NRP1: variants seen among roughly 807,000 people sequenced by gnomAD.
The protein encoded by NRP1 is neuropilin-1.
NRP1 carries 35 observed loss-of-function variants against 106.7 expected under a neutral mutation model. The ratio of observed to expected loss-of-function variants is 0.33; its 90% CI spans 0.25 to 0.43. The LOEUF is 0.43. Among genes scored for constraint, NRP1 ranks in the 20% least tolerant of loss-of-function variants. The pLI is 1.00. For synonymous variants in NRP1, 437 were observed against 417.9 expected, an observed-to-expected ratio of 1.05 and a Z score of -0.56; for missense variants, 1,024 against 1,170.4, an observed-to-expected ratio of 0.87 and a Z score of 1.83.
At chr10:33,201,392 G>A (rs1358402887) in intron 11 of NRP1, 1 of 152,178 alleles carries the variant, frequency 6.6e-6, no homozygotes, top group East Asian at 1.9e-4. Flanking sequence ...GAGGGCAATT[G>A]AAAGGGCACA....
intron 2 of NRP1, among the ~76,000 whole-genome samples, chr10:33,304,869 G>A (rs1348011874): frequency 1.3e-5 from 2 of 152,220 alleles, no homozygotes; most frequent in Non-Finnish European, 2.9e-5. Flanking sequence ...TAGAAATAGC[G>A]TAGAAACCCA....
chr10:33,323,140 C>G (rs1244390224), intron 2 of NRP1, among the ~76,000 whole-genome samples: 1 of 152,046 alleles, frequency 6.6e-6, no homozygotes, highest in Admixed American at 6.6e-5. Context: ...GAAGCTGAGA[C>G]AGAGAATGGC....
chr10:33,204,986 C>T (rs1439688913), intron 10 of NRP1, among the ~76,000 whole-genome samples: 2 of 152,204 alleles, frequency 1.3e-5, no homozygotes, highest in African/African-American at 4.8e-5. Flanking sequence ...CCCGCCTTGG[C>T]CTCCCAAAGT....
At chr10:33,331,665 C>T (rs900986276) in intron 1 of NRP1, among the ~76,000 whole-genome samples, 18 of 152,166 alleles carry the variant, frequency 1.2e-4, no homozygotes, top group African/African-American at 4.3e-4. Flanking sequence ...TTCTCACATT[C>T]TGGGAAAGGT....
At chr10:33,301,143 G>A (rs1031946591) in intron 2 of NRP1, among the ~76,000 whole-genome samples, 3 of 152,120 alleles carry the variant, frequency 2.0e-5, no homozygotes, top group Non-Finnish European at 4.4e-5. Flanking sequence ...AGAGAGGCTC[G>A]GTGCTGTCCT....
Position 33,207,671 on chromosome 10 carries a change from A to G in NRP1, c.1660T>C (p.Phe554Leu), listed in dbSNP as rs756636306. The change falls in exon 10 of 17, where the codon TTT becomes CTT. Residue 554 changes from phenylalanine to leucine, a missense_variant. Physicochemically the swap from Phe to Leu is conservative, Grantham distance 22. Coordinates refer to ENST00000374867, the MANE Select transcript of NRP1 (RefSeq NM_003873.7). ...NNYDTPELRT[F>L]PALSTRFIRI... Reference sequence around the variant, plus strand: ...ATGAATCGCGTGGAGAGAGCTGGAAAAGTCCGCAGCTCAGGTGTATCATAG... The same window carrying G: ...ATGAATCGCGTGGAGAGAGCTGGAAGAGTCCGCAGCTCAGGTGTATCATAG... 5 of 1,614,020 alleles carry G rather than the reference A, an allele frequency of 3.1e-6. No individual in the cohort carries two copies. The highest frequency in any genetic ancestry group is 3.4e-6 in the Non-Finnish European group (4 of 1,180,012).
chr10:33,192,822 CTTAA>C (rs1181946685), intron 12 of NRP1, among the ~76,000 whole-genome samples: 2 of 152,122 alleles, frequency 1.3e-5, no homozygotes, highest in African/African-American at 2.4e-5. Flanking sequence ...TGAAAAGAAT[CTTAA>C]TTAGAGATTG....
chr10:33,323,651 C>G (rs1248160933), intron 2 of NRP1, among the ~76,000 whole-genome samples: 1 of 152,166 alleles, frequency 6.6e-6, no homozygotes, highest in Admixed American at 6.5e-5. Context: ...CTGACTCTTA[C>G]AATCAGGATG....
chr10:33,316,457 G>A (rs1299552767), intron 2 of NRP1, among the ~76,000 whole-genome samples: 1 of 152,174 alleles, frequency 6.6e-6, no homozygotes, highest in Non-Finnish European at 1.5e-5. Flanking sequence ...TTCTCCAGGT[G>A]GTCAACATCC....
intron 6 of NRP1, among the ~76,000 whole-genome samples, chr10:33,240,695 G>T (rs1213192831): frequency 6.6e-6 from 1 of 152,114 alleles, no homozygotes; most frequent in Non-Finnish European, 1.5e-5. Context: ...TGGAAGTGCA[G>T]GTGTCCAAAA....
chr10:33,254,309 G>T, intron 5 of NRP1, 115 bp from the exon 6 acceptor site: 1 of 868,502 alleles, frequency 1.2e-6, no homozygotes, highest in South Asian at 1.9e-5. Context: ...TTAAAAAGAT[G>T]GTAGTAAGGG....
At chr10:33,204,422 G>A (rs144673344) in intron 10 of NRP1, among the ~76,000 whole-genome samples, 2 of 152,150 alleles carry the variant, frequency 1.3e-5, no homozygotes, top group Non-Finnish European at 2.9e-5. Context: ...ACATACACCC[G>A]AATTCTGGCC....
intron 2 of NRP1, among the ~76,000 whole-genome samples, chr10:33,326,366 T>C (rs1444624540): frequency 1.3e-5 from 2 of 152,182 alleles, no homozygotes. Flanking sequence ...TTCCGAAAAC[T>C]CTCCACTGGT....
rs145492424 is a variant in NRP1, at chr10:33,227,320, G to T, written c.982-1031C>A. Among the ~76,000 whole-genome samples the T allele has an allele frequency of 4.8e-3, 735 of 152,260 alleles. 3 individuals are homozygous for T. The highest frequency in any genetic ancestry group is 0.017 in the Middle Eastern group (5 of 294). On this transcript the variant is annotated intron_variant, in intron 6 of 16. Transcript: ENST00000374867. ...TAATCCCATTTCCCCTCTGTCTTTG[G>T]CATCCTACCTCCTTCCACATTAAAT...
chr10:33,216,708 C>T (rs533751918), intron 8 of NRP1, among the ~76,000 whole-genome samples: 1 of 152,174 alleles, frequency 6.6e-6, no homozygotes, highest in African/African-American at 2.4e-5. Flanking sequence ...TCCCAAAGTG[C>T]TGGGGTCACA....
At chr10:33,305,232 T>A (rs1043942464) in intron 2 of NRP1, among the ~76,000 whole-genome samples, 2 of 152,236 alleles carry the variant, frequency 1.3e-5, no homozygotes, top group Non-Finnish European at 2.9e-5. Flanking sequence ...ATTTAAAAAA[T>A]TTTTGTGCAC....
At chr10:33,180,399 C>A (rs1835611075) in intron 16 of NRP1, 34 bp from the exon 17 acceptor site, 5 of 1,538,422 alleles carry the variant, frequency 3.3e-6, no homozygotes, top group Non-Finnish European at 4.4e-6. Flanking sequence ...TCCGTGAGCA[C>A]CGCCAACAGA....
chr10:33,277,439 A>C (rs1388888884), intron 2 of NRP1, among the ~76,000 whole-genome samples: 3 of 152,248 alleles, frequency 2.0e-5, no homozygotes, highest in Non-Finnish European at 4.4e-5. Context: ...TCACACCAGC[A>C]CTGTGGGCCT....
chr10:33,276,575 G>C (rs1843711936), intron 2 of NRP1, among the ~76,000 whole-genome samples: 1 of 152,194 alleles, frequency 6.6e-6, no homozygotes, highest in African/African-American at 2.4e-5. Flanking sequence ...CAGCATAAGA[G>C]ACCCAGGAAT....
Sources: allele counts gnomAD v4.1 joint callset (sites outside exome capture counted in the v4.1 genomes callset), GRCh38; gene constraint gnomAD v4.1.1; transcripts MANE v1.5; gene names NCBI Gene and HGNC (gene_info 2026-07-23, HGNC 2026-07-21).